Variants in COL8A1 observed in about 807,000 individuals in gnomAD.
COL8A1 encodes collagen type VIII alpha 1 chain.
COL8A1 carries 21 observed loss-of-function variants against 42.7 expected under a neutral mutation model. That is an observed-to-expected ratio of 0.49 (90% CI 0.35 to 0.71). The LOEUF (loss-of-function observed/expected upper bound fraction) is 0.71, where lower values mean the gene tolerates loss of function less well. Ranked by LOEUF, COL8A1 falls within the 30% of genes least tolerant of loss-of-function variation. COL8A1 has a pLI of 0.01. For missense variants in COL8A1, 788 were observed against 962.4 expected (o/e 0.82, Z 2.40); for synonymous variants, 367 against 369.1 (o/e 0.99, Z 0.06).
intron 2 of COL8A1, among the ~76,000 whole-genome samples, chr3:99,772,204 T>G (rs1941592978): frequency 6.6e-6 from 1 of 152,196 alleles, no homozygotes; most frequent in Non-Finnish European, 1.5e-5. Flanking sequence ...TAAGTGCATA[T>G]TACTAAATAA....
chr3:99,683,743 A>G (rs766859184), intron 1 of COL8A1, among the ~76,000 whole-genome samples: 2 of 152,132 alleles, frequency 1.3e-5, no homozygotes, highest in Non-Finnish European at 2.9e-5. Flanking sequence ...GATTCTTTCC[A>G]GTTACCCTGA....
At chr3:99,734,944 C>T (rs1434707554) in intron 1 of COL8A1, among the ~76,000 whole-genome samples, 1 of 149,172 alleles carries the variant, frequency 6.7e-6, no homozygotes, top group African/African-American at 2.5e-5. Flanking sequence ...TGATTTGGTT[C>T]TCTGTTTGTC....
Position 99,795,121 on chromosome 3 carries a change from T to A in COL8A1, c.1220T>A (p.Ile407Asn), listed in dbSNP as rs768208846. ...GGTCCTATGGGCCCTCCAGGTGCTATTGGTTTTCCTGGACCCAAAGGAGAA... is the reference window on the plus strand; with the variant it reads ...GGTCCTATGGGCCCTCCAGGTGCTAATGGTTTTCCTGGACCCAAAGGAGAA... ...IPGPMGPPGA[I>N]GFPGPKGEGG... Residue 407 changes from isoleucine to asparagine, a missense_variant, in exon 4 of 4, where the codon ATT becomes AAT. By Grantham distance (149) the Ile-to-Asn change is moderately radical (BLOSUM62 -3). This residue lies in a region of COL8A1 where 421 missense variants were observed against 553.1 expected (regional missense o/e 0.76). Coordinates refer to ENST00000652472, the MANE Select transcript of COL8A1 (RefSeq NM_020351.4). The A allele has an allele frequency of 1.7e-5, 28 of 1,613,280 alleles. No homozygotes were observed. The African/African-American group carries it at 3.3e-4, about 19-fold the overall frequency.
At chr3:99,764,205 G>A (rs1941416560) in intron 2 of COL8A1, among the ~76,000 whole-genome samples, 1 of 152,040 alleles carries the variant, frequency 6.6e-6, no homozygotes, top group Non-Finnish European at 1.5e-5. Flanking sequence ...ATTTTCTTAA[G>A]GTTCACAAAA....
intron 1 of COL8A1, among the ~76,000 whole-genome samples, chr3:99,645,746 C>T (rs544586536): frequency 6.6e-6 from 1 of 151,394 alleles, no homozygotes; most frequent in South Asian, 2.1e-4. Context: ...AAATCACCCA[C>T]ATTTCTGGCA....
At chr3:99,698,958 G>C (rs993981308) in intron 1 of COL8A1, among the ~76,000 whole-genome samples, 1 of 152,190 alleles carries the variant, frequency 6.6e-6, no homozygotes, top group Non-Finnish European at 1.5e-5. Flanking sequence ...TAGAAGCGGG[G>C]AAGATAAGTC....
intron 1 of COL8A1, chr3:99,678,582 T>TTTA (rs139843192): frequency 6.8e-6 from 1 of 147,896 alleles, no homozygotes; most frequent in Non-Finnish European, 1.5e-5. Context: ...TTCTGGGTTG[T>TTTA]TTGTTGTTGT....
intron 1 of COL8A1, among the ~76,000 whole-genome samples, chr3:99,739,379 G>A (rs1940833073): frequency 6.6e-6 from 1 of 152,208 alleles, no homozygotes; most frequent in Non-Finnish European, 1.5e-5. Context: ...CCACCAGGCA[G>A]TGCCCTAGTG....
At chr3:99,770,458 A>C (rs1424581201) in intron 2 of COL8A1, among the ~76,000 whole-genome samples, 2 of 152,196 alleles carry the variant, frequency 1.3e-5, no homozygotes, top group African/African-American at 4.8e-5. Context: ...ATTGCCTACA[A>C]ATTTATTTAT....
chr3:99,673,084 T>C (rs889440232), intron 1 of COL8A1, among the ~76,000 whole-genome samples: 2 of 152,008 alleles, frequency 1.3e-5, no homozygotes, highest in Non-Finnish European at 2.9e-5. Context: ...GCTCCCTTCA[T>C]GAATGGGACA....
chr3:99,647,956 G>A (rs538584827), intron 1 of COL8A1, among the ~76,000 whole-genome samples: 15 of 152,120 alleles, frequency 9.9e-5, no homozygotes, highest in Admixed American at 2.0e-4. Context: ...TCAGTATCCC[G>A]TAAGTGGCAC....
At chr3:99,734,239 A>T (rs1390516674) in intron 1 of COL8A1, among the ~76,000 whole-genome samples, 2 of 140,498 alleles carry the variant, frequency 1.4e-5, no homozygotes, top group East Asian at 4.0e-4. Context: ...CTATGTCCTG[A>T]ATAGTATTGC....
intron 1 of COL8A1, among the ~76,000 whole-genome samples, chr3:99,681,822 G>A (rs1228189994): frequency 6.6e-6 from 1 of 152,104 alleles, no homozygotes; most frequent in African/African-American, 2.4e-5. Flanking sequence ...ATATTACATT[G>A]GTTATCATCT....
intron 1 of COL8A1, among the ~76,000 whole-genome samples, chr3:99,664,234 C>T (rs1025430758): frequency 3.3e-5 from 5 of 152,200 alleles, no homozygotes; most frequent in African/African-American, 1.2e-4. Context: ...TTGTTCCCTG[C>T]TTTCTGTTTC....
intron 2 of COL8A1, among the ~76,000 whole-genome samples, chr3:99,787,898 C>T (rs1307356091): frequency 4.0e-5 from 6 of 150,234 alleles, no homozygotes. Context: ...ACACACACAC[C>T]AGCTGTCAAA....
At chr3:99,648,519 G>A (rs1937727900) in intron 1 of COL8A1, among the ~76,000 whole-genome samples, 1 of 151,686 alleles carries the variant, frequency 6.6e-6, no homozygotes, top group African/African-American at 2.4e-5. Flanking sequence ...AGTAAGGACT[G>A]TGTAATTAGA....
intron 3 of COL8A1, among the ~76,000 whole-genome samples, chr3:99,791,924 G>C (rs1942008032): frequency 6.6e-6 from 1 of 152,188 alleles, no homozygotes; most frequent in South Asian, 2.1e-4. Context: ...TACATAGTAA[G>C]TAAAGTGCTG....
At position 99,794,345 on chromosome 3, in the gene COL8A1, A is replaced by G; in HGVS notation, c.444A>G (p.Lys148=). The change falls in exon 4 of 4, where the codon AAA becomes AAG. Residue 148 remains lysine (K), a synonymous_variant. Coordinates refer to ENST00000652472, the MANE Select transcript of COL8A1 (RefSeq NM_020351.4). This position sits in a 1 kb window ranked among gnomAD's most constrained non-coding sequence, Gnocchi z 4.3. ...ATGGGATACCTGGAATTAAAGGAAAACCAGGGCCACAGGGATATCCAGGAG... is the reference window on the plus strand; with the variant it reads ...ATGGGATACCTGGAATTAAAGGAAAGCCAGGGCCACAGGGATATCCAGGAG... The part of the protein sequence containing the change: ...PGHGIPGIKG[K]PGPQGYPGVG... 1 of 1,613,798 alleles carries G rather than the reference A, an allele frequency of 6.2e-7. No individual in the cohort carries two copies.
chr3:99,644,535 T>C (rs1405347794), intron 1 of COL8A1, among the ~76,000 whole-genome samples: 1 of 152,242 alleles, frequency 6.6e-6, no homozygotes, highest in Non-Finnish European at 1.5e-5. Flanking sequence ...GCTTCTTCAC[T>C]TTCCTCTGAA....
Sources: allele counts gnomAD v4.1 joint callset (sites outside exome capture counted in the v4.1 genomes callset), GRCh38; gene constraint gnomAD v4.1.1; regional missense constraint gnomAD v4.1.1; non-coding constraint Gnocchi (gnomAD v3.1); transcripts MANE v1.5; gene names NCBI Gene and HGNC (gene_info 2026-07-23, HGNC 2026-07-21).